The following PTPRZ1 variants were observed in gnomAD, a reference collection of about 807,000 sequenced individuals.
PTPRZ1 encodes the protein protein tyrosine phosphatase receptor type Z1, also known as receptor-type tyrosine-protein phosphatase zeta.
In PTPRZ1, 82 loss-of-function variants were observed where a neutral mutation model predicts 214.1. The ratio of observed to expected loss-of-function variants is 0.38; its 90% confidence interval spans 0.32 to 0.46. PTPRZ1 has a LOEUF of 0.46. PTPRZ1 is among the 20% of genes least tolerant of loss of function. PTPRZ1 has a pLI of 1.00. For missense variants in PTPRZ1, 2,603 were observed against 2,748.7 expected, an observed-to-expected ratio of 0.95 and a Z score of 1.19; for synonymous variants, 945 against 987.9, an observed-to-expected ratio of 0.96 and a Z score of 0.81.
At chr7:121,874,227 C>A (rs912897971) in intron 1 of PTPRZ1, among the ~76,000 whole-genome samples, 1 of 152,158 alleles carries the variant, frequency 6.6e-6, no homozygotes, top group Non-Finnish European at 1.5e-5. Flanking sequence ...AGGAGAGCTG[C>A]AGGTTGATAT....
At chr7:121,965,278 C>T (rs1797011986) in intron 2 of PTPRZ1, among the ~76,000 whole-genome samples, 2 of 152,152 alleles carry the variant, frequency 1.3e-5, no homozygotes, top group African/African-American at 2.4e-5. Flanking sequence ...GGTCCTCTTC[C>T]AAATTCACTT....
At chr7:121,893,831 C>T (rs1794709161) in intron 1 of PTPRZ1, among the ~76,000 whole-genome samples, 1 of 151,828 alleles carries the variant, frequency 6.6e-6, no homozygotes, top group African/African-American at 2.4e-5. Flanking sequence ...TATAGGGTTC[C>T]AGATAGTATT....
At chr7:121,953,304 T>G (rs957370498) in intron 2 of PTPRZ1, among the ~76,000 whole-genome samples, 2 of 152,246 alleles carry the variant, frequency 1.3e-5, no homozygotes, top group African/African-American at 4.8e-5. Context: ...GTCATAATTT[T>G]CCTCAAATGA....
intron 1 of PTPRZ1, among the ~76,000 whole-genome samples, chr7:121,887,953 T>C (rs995618920): frequency 1.3e-5 from 2 of 152,122 alleles, no homozygotes; most frequent in African/African-American, 2.4e-5. Flanking sequence ...ATCTGAGATA[T>C]GTGAGATCCT....
chr7:122,005,228 T>C (rs534478697), intron 11 of PTPRZ1, among the ~76,000 whole-genome samples: 1 of 152,138 alleles, frequency 6.6e-6, no homozygotes, highest in South Asian at 2.1e-4. Flanking sequence ...AATGTATAGG[T>C]ATTTGAGACT....
intron 1 of PTPRZ1, among the ~76,000 whole-genome samples, chr7:121,895,223 G>A (rs990676639): frequency 6.6e-6 from 1 of 151,070 alleles, no homozygotes; most frequent in African/African-American, 2.4e-5. Flanking sequence ...TGACCCTAAT[G>A]AGAAAAATAG....
At chr7:121,959,462 AT>A (rs930850083) in intron 2 of PTPRZ1, among the ~76,000 whole-genome samples, 4 of 152,196 alleles carry the variant, frequency 2.6e-5, no homozygotes, top group African/African-American at 9.7e-5. Flanking sequence ...AGGCACACTG[AT>A]TTGTGCATGG....
chr7:122,044,987 C>A (rs1799843957), intron 23 of PTPRZ1, among the ~76,000 whole-genome samples: 1 of 152,020 alleles, frequency 6.6e-6, no homozygotes. Flanking sequence ...CACTTGAAAC[C>A]CCTGGACCAA....
rs569558255 is a variant in PTPRZ1, at chr7:122,021,553, T to C, written c.4988+2285T>C. Among the ~76,000 whole-genome samples, 5 of 152,114 alleles carry C rather than the reference T, an allele frequency of 3.3e-5. No individual in the cohort carries two copies. The East Asian group carries it at 9.7e-4, about 29-fold the overall frequency. ...TTTGAGACCAGCCCAGGAAACATAGTGAGACCTCCATCTCTACAAAAACAA... is the reference window on the plus strand; with the variant it reads ...TTTGAGACCAGCCCAGGAAACATAGCGAGACCTCCATCTCTACAAAAACAA... On this transcript the variant is annotated intron_variant, in intron 13 of 29. Coordinates refer to ENST00000393386, the MANE Select transcript of PTPRZ1 (RefSeq NM_002851.3).
At chr7:121,901,664 G>A (rs1042363856) in intron 1 of PTPRZ1, among the ~76,000 whole-genome samples, 8 of 152,096 alleles carry the variant, frequency 5.3e-5, no homozygotes, top group South Asian at 2.1e-4. Context: ...TTTCATAAAC[G>A]CCTATCAGAG....
Position 121,873,392 on chromosome 7 carries a change from T to C in PTPRZ1, c.-108T>C. 9.3e-7 allele frequency: 1 copy of C among 1,071,370 alleles called. No individual in the cohort carries two copies. Among genetic ancestry groups the C allele is most frequent in the Non-Finnish European group, 1.4e-6 (1 of 730,338 alleles). The allele number at this position is 1,071,370 out of a possible 1,614,324, so 66.4% of individuals were successfully genotyped here. A position where few individuals can be genotyped will look rare whatever the true frequency, so the allele number is the denominator to read the frequency against. ...CACGATCTCACTTCGATCTATACAC[T>C]GGAGGATTAAAACAAACAAACAAAA... On this transcript the variant is annotated 5_prime_UTR_variant, in exon 1 of 30. Transcript: ENST00000393386.
At chr7:122,043,015 C>T (rs987664172) in intron 22 of PTPRZ1, among the ~76,000 whole-genome samples, 1 of 152,200 alleles carries the variant, frequency 6.6e-6, no homozygotes, top group African/African-American at 2.4e-5. Context: ...CTTCACTTGG[C>T]TGTTTCCCTC....
At chr7:121,886,846 T>C (rs1018901325) in intron 1 of PTPRZ1, among the ~76,000 whole-genome samples, 3 of 152,172 alleles carry the variant, frequency 2.0e-5, no homozygotes, top group African/African-American at 4.8e-5. Flanking sequence ...ATGTTTTTTC[T>C]ACTCATCAGG....
chr7:121,996,710 T>TA (rs1254344515), intron 9 of PTPRZ1, 144 bp downstream of exon 9: 231 of 551,468 alleles, frequency 4.2e-4, no homozygotes, highest in African/African-American at 3.3e-3. Flanking sequence ...TTTTTAAATT[T>TA]AAAAAAAAAT....
At chr7:121,981,138 C>G (rs1797597836) in intron 6 of PTPRZ1, among the ~76,000 whole-genome samples, 1 of 110,086 alleles carries the variant, frequency 9.1e-6, no homozygotes, top group Non-Finnish European at 2.1e-5. Context: ...GAGACTCCGT[C>G]TCAAAAAAAA....
At chr7:121,990,844 T>C (rs950072933) in intron 8 of PTPRZ1, among the ~76,000 whole-genome samples, 15 of 152,206 alleles carry the variant, frequency 9.9e-5, no homozygotes, top group Admixed American at 9.8e-4. Flanking sequence ...GTTTGTTTGT[T>C]TTTTAAATAA....
intron 6 of PTPRZ1, among the ~76,000 whole-genome samples, chr7:121,981,190 CACTTT>C (rs1392573828): frequency 1.3e-5 from 2 of 151,836 alleles, no homozygotes; most frequent in Non-Finnish European, 2.9e-5. Flanking sequence ...GAAAAGGCTT[CACTTT>C]ACTTGGGATT....
intron 1 of PTPRZ1, among the ~76,000 whole-genome samples, chr7:121,909,668 A>T (rs1307203796): frequency 6.6e-6 from 1 of 152,198 alleles, no homozygotes; most frequent in Admixed American, 6.5e-5. Flanking sequence ...CTAAAATATG[A>T]TATTTATACT....
At chr7:122,048,198 C>T (rs1432603816) in intron 23 of PTPRZ1, among the ~76,000 whole-genome samples, 1 of 151,822 alleles carries the variant, frequency 6.6e-6, no homozygotes, top group Non-Finnish European at 1.5e-5. Flanking sequence ...AGAAGCACTA[C>T]ATAACATTTT....
Sources: allele counts gnomAD v4.1 joint callset (sites outside exome capture counted in the v4.1 genomes callset), GRCh38; gene constraint gnomAD v4.1.1; transcripts MANE v1.5; gene names NCBI Gene and HGNC (gene_info 2026-07-23, HGNC 2026-07-21).